Variants in MSI2 observed in about 807,000 individuals in gnomAD.
The protein encoded by MSI2 is RNA-binding protein Musashi homolog 2.
MSI2 carries 17 observed loss-of-function variants against 45.6 expected under a neutral mutation model. That is an observed-to-expected ratio of 0.37 (90% CI 0.26 to 0.56). MSI2 has a LOEUF of 0.56. Ranked by LOEUF, MSI2 falls within the 20% of genes least tolerant of loss-of-function variation. The probability of loss-of-function intolerance (pLI) is 0.77; values close to 1 mark genes in which losing one functional copy is unlikely to be tolerated. For missense variants in MSI2, 293 were observed against 444.2 expected (o/e 0.66, Z 3.06); for synonymous variants, 156 against 158.2 (o/e 0.99, Z 0.11).
intron 13 of MSI2, 135 bp from the exon 14 acceptor site, chr17:57,679,414 C>A: frequency 3.7e-6 from 1 of 273,060 alleles, no homozygotes; most frequent in Non-Finnish European, 6.0e-6. Context: ...ATTCAATAGT[C>A]CAGTGAAGTC....
At chr17:57,589,679 C>G (rs550600372) in intron 7 of MSI2, among the ~76,000 whole-genome samples, 158 of 152,338 alleles carry the variant, frequency 1.0e-3, no homozygotes, top group African/African-American at 3.7e-3. Context: ...ATATGGCCAC[C>G]AAATCCATCC....
At chr17:57,341,459 C>T (rs1915151993) in intron 5 of MSI2, among the ~76,000 whole-genome samples, 1 of 152,216 alleles carries the variant, frequency 6.6e-6, no homozygotes. Context: ...GGTTGGTCCT[C>T]ACACTGCCGC....
chr17:57,445,511 T>A (rs2084881231), intron 6 of MSI2, among the ~76,000 whole-genome samples: 1 of 150,800 alleles, frequency 6.6e-6, no homozygotes, highest in African/African-American at 2.4e-5. Flanking sequence ...TTGTTTGTTT[T>A]TTTGGTGGTT....
rs567796872 is a variant in MSI2, at chr17:57,278,617, C to A, written c.312+16425C>A. ...GTTGTCTTTTTATTGCTTCCATTCC[C>A]ACTAAGACCTCCATCCCCCCACTGC... On this transcript the variant is annotated intron_variant, in intron 5 of 13. Transcript: ENST00000284073. 2.1e-4 allele frequency: 32 copies of A among 152,668 alleles called. No homozygotes were observed. The South Asian group carries it at 6.2e-3, about 30-fold the overall frequency. The allele number at this position is 152,668 out of a possible 1,614,324, so 9.5% of individuals were successfully genotyped here. A position where few individuals can be genotyped will look rare whatever the true frequency, so the allele number is the denominator to read the frequency against.
rs188960086 is a variant in MSI2, at chr17:57,456,579, A to G, written c.405+55108A>G. Among the ~76,000 whole-genome samples the G allele has an allele frequency of 2.0e-5, 3 of 152,012 alleles. No homozygotes were observed. The East Asian group carries it at 5.8e-4, about 29-fold the overall frequency. ...CACTGCACTCCAGCCTGGGCGACAG[A>G]GCGATCGAGACTCCATCTCCAAAAA... On this transcript the variant is annotated intron_variant, in intron 6 of 13. Transcript: ENST00000284073.
At chr17:57,285,204 A>G (rs942115462) in intron 5 of MSI2, among the ~76,000 whole-genome samples, 2 of 152,226 alleles carry the variant, frequency 1.3e-5, no homozygotes, top group African/African-American at 4.8e-5. Flanking sequence ...TTAGATAGCA[A>G]CAAACTTTCA....
At chr17:57,633,767 G>A (rs1417156516) in intron 10 of MSI2, among the ~76,000 whole-genome samples, 1 of 152,210 alleles carries the variant, frequency 6.6e-6, no homozygotes, top group Non-Finnish European at 1.5e-5. Context: ...TTACAATTAA[G>A]GGATAACATG....
intron 6 of MSI2, among the ~76,000 whole-genome samples, chr17:57,452,015 G>C (rs757762893): frequency 6.6e-6 from 1 of 152,172 alleles, no homozygotes; most frequent in Non-Finnish European, 1.5e-5. Context: ...CCGTTCTCAG[G>C]GGGGATGTCC....
chr17:57,677,218 C>T (rs1363720283), intron 13 of MSI2, among the ~76,000 whole-genome samples, 159 bp downstream of exon 13: 1 of 152,208 alleles, frequency 6.6e-6, no homozygotes, highest in African/African-American at 2.4e-5. Flanking sequence ...AAAAGCAAAT[C>T]CAGTCGTTTA....
chr17:57,515,361 G>C (rs1341411380), intron 6 of MSI2, among the ~76,000 whole-genome samples: 1 of 152,130 alleles, frequency 6.6e-6, no homozygotes, highest in East Asian at 1.9e-4. Flanking sequence ...CTGTCACCAT[G>C]CTGGGCTAAT....
chr17:57,319,136 C>T (rs9903996), intron 5 of MSI2, among the ~76,000 whole-genome samples: 17,347 of 152,182 alleles, frequency 0.11, 1,679 homozygotes, highest in African/African-American at 0.24. Context: ...TGACTCTGGG[C>T]GGGCTGAGAC....
At chr17:57,473,514 C>CG (rs1222116152) in intron 6 of MSI2, among the ~76,000 whole-genome samples, 3 of 152,250 alleles carry the variant, frequency 2.0e-5, no homozygotes, top group South Asian at 4.1e-4. Flanking sequence ...GCATTTCCGT[C>CG]GGGGGGCCTC....
chr17:57,647,880 G>C (rs1034223818), intron 10 of MSI2, among the ~76,000 whole-genome samples: 44 of 148,008 alleles, frequency 3.0e-4, no homozygotes, highest in African/African-American at 1.0e-3. Flanking sequence ...GACCTCAGGT[G>C]ATCCTCCCGC....
At chr17:57,692,602 A>C in the MSI2 span, among the ~76,000 whole-genome samples, 1 of 152,168 alleles carries the variant, frequency 6.6e-6, no homozygotes. Flanking sequence ...TACTTTTTGT[A>C]ATGCAAATCT....
At chr17:57,287,531 C>T (rs754466553) in intron 5 of MSI2, among the ~76,000 whole-genome samples, 1 of 152,272 alleles carries the variant, frequency 6.6e-6, no homozygotes, top group East Asian at 1.9e-4. Flanking sequence ...CTTGGTTGGC[C>T]GCTGCTGCTT....
At chr17:57,287,408 T>C (rs1240959475) in intron 5 of MSI2, among the ~76,000 whole-genome samples, 3 of 152,126 alleles carry the variant, frequency 2.0e-5, no homozygotes, top group African/African-American at 7.2e-5. Flanking sequence ...GAAGGGGTCC[T>C]GTGGGGGACA....
intron 7 of MSI2, among the ~76,000 whole-genome samples, chr17:57,538,574 C>T (rs977305530): frequency 1.3e-5 from 2 of 152,150 alleles, no homozygotes; most frequent in African/African-American, 4.8e-5. Flanking sequence ...CCCCACTCCC[C>T]GCAAGTGGAG....
chr17:57,659,426 C>T (rs1911839812), intron 11 of MSI2, among the ~76,000 whole-genome samples: 1 of 151,958 alleles, frequency 6.6e-6, no homozygotes, highest in East Asian at 1.9e-4. Context: ...AGATATACAC[C>T]GTGATGTATA....
rs76342385 is a variant in MSI2 at position 57,374,977 on chromosome 17, A to C, written c.313-26402A>C. 3.5e-4 allele frequency among the ~76,000 whole-genome samples: 54 copies of C among 152,228 alleles called. 1 individual carries two copies. The East Asian group carries it at 9.8e-3, about 28-fold the overall frequency. Reference sequence around the variant, plus strand: ...TAGTGAGACTTCAGGACATCCCTGAACATTCCCCATACAGATCGAACATCA... The same window carrying C: ...TAGTGAGACTTCAGGACATCCCTGACCATTCCCCATACAGATCGAACATCA... On this transcript the variant is annotated intron_variant, in intron 5 of 13. Transcript: ENST00000284073.
Sources: allele counts gnomAD v4.1 joint callset (sites outside exome capture counted in the v4.1 genomes callset), GRCh38; gene constraint gnomAD v4.1.1; transcripts MANE v1.5; gene names NCBI Gene and HGNC (gene_info 2026-07-23, HGNC 2026-07-21).